The following MICAL3 variants were observed in gnomAD, a reference collection of about 807,000 sequenced individuals.
The protein encoded by MICAL3 is [F-actin]-monooxygenase MICAL3.
In MICAL3, 62 loss-of-function variants were observed where a neutral mutation model predicts 207.4. That is an observed-to-expected ratio of 0.30 (90% CI 0.24 to 0.37). The LOEUF is 0.37. MICAL3 is among the 10% of genes least tolerant of loss of function. The pLI is 1.00. For missense variants in MICAL3, 2,368 were observed against 2,635.6 expected (o/e 0.90, Z 2.22); for synonymous variants, 1,077 against 1,069.3 (o/e 1.01, Z -0.14).
chr22:17,796,093 C>T lies in MICAL3; in HGVS notation c.5651-4792G>A, dbSNP rs1601915328. On this transcript the variant is annotated intron_variant, in intron 29 of 31. Transcript: ENST00000441493. The surrounding 1 kb of genome is among the most constrained non-coding windows in gnomAD (Gnocchi z 4.4). ...TGCTATAATTTACCACTTCTCAAAG[C>T]ACTCCTGCGTGCCCTGGGCGCTGGC... Among the ~76,000 whole-genome samples the T allele has an allele frequency of 6.6e-6, 1 of 152,322 alleles. No individual in the cohort carries two copies. Among genetic ancestry groups the T allele is most frequent in the East Asian group, 1.9e-4 (1 of 5,192 alleles).
At chr22:17,859,839 G>A (rs936257965) in intron 19 of MICAL3, among the ~76,000 whole-genome samples, 6 of 152,200 alleles carry the variant, frequency 3.9e-5, no homozygotes, top group Non-Finnish European at 8.8e-5. Context: ...CCCAGCCTGC[G>A]GGCCCTCCTG....
At chr22:17,994,391 C>T (rs1171879896) in intron 1 of MICAL3, among the ~76,000 whole-genome samples, 1 of 152,190 alleles carries the variant, frequency 6.6e-6, no homozygotes, top group African/African-American at 2.4e-5. Context: ...TGGCACTGGC[C>T]TCCCGGGACC....
Position 17,795,690 on chromosome 22 carries a change from T to A in MICAL3, c.5651-4389A>T, listed in dbSNP as rs145661437. Among the ~76,000 whole-genome samples, 4 of 152,358 alleles carry A rather than the reference T, an allele frequency of 2.6e-5. No homozygotes were observed. The East Asian group carries it at 7.7e-4, about 29-fold the overall frequency. ...TCTCCTAGCAAGAGGCAGAAGCGCGTGTGAGCGGCCGGCGAGTCCGAGCTG... is the reference window on the plus strand; with the variant it reads ...TCTCCTAGCAAGAGGCAGAAGCGCGAGTGAGCGGCCGGCGAGTCCGAGCTG... On this transcript the variant is annotated intron_variant, in intron 29 of 31. Coordinates refer to ENST00000441493, the MANE Select transcript of MICAL3 (RefSeq NM_015241.3).
chr22:17,850,345 C>T (rs1263323966), intron 19 of MICAL3, among the ~76,000 whole-genome samples: 3 of 151,176 alleles, frequency 2.0e-5, no homozygotes, highest in African/African-American at 4.9e-5. Flanking sequence ...TCCCCATCAC[C>T]GCAGTCCTTT....
chr22:17,951,727 C>T (rs190253173), intron 1 of MICAL3, among the ~76,000 whole-genome samples: 5 of 150,930 alleles, frequency 3.3e-5, no homozygotes, highest in East Asian at 1.9e-4. Context: ...GACAGGGTCT[C>T]GCTCAGGCAT....
chr22:17,891,924 G>A (rs927630247), intron 11 of MICAL3, among the ~76,000 whole-genome samples: 3 of 152,178 alleles, frequency 2.0e-5, no homozygotes, highest in African/African-American at 4.8e-5. Context: ...CTGTCCCCAC[G>A]GCACTGAGGT....
At chr22:17,948,298 G>A (rs385945) in intron 1 of MICAL3, among the ~76,000 whole-genome samples, 35,134 of 152,204 alleles carry the variant, frequency 0.23, 4,690 homozygotes, top group East Asian at 0.52. Flanking sequence ...AATCTTGCTG[G>A]CTCTCCAGCT....
At chr22:17,845,285 G>A (rs1168777761) in intron 19 of MICAL3, among the ~76,000 whole-genome samples, 4 of 152,174 alleles carry the variant, frequency 2.6e-5, no homozygotes, top group Admixed American at 6.5e-5. Context: ...TAGAGTGAAC[G>A]AAACTTGGGA....
At chr22:17,876,486 T>A in intron 16 of MICAL3, 1 of 152,308 alleles carries the variant, frequency 6.6e-6, no homozygotes, top group East Asian at 1.9e-4. Context: ...ACCCTCTGCT[T>A]GAGACACTCA....
rs369235722 is a variant in MICAL3, at chr22:17,950,304, G to A, written c.-74-43418C>T. The stretch of plus-strand genomic sequence containing the variant: ...GGCCTCTCAAGCAGCTGGGATTACA[G>A]GCGCCTGCCACCACATCTGGCGTTT... On this transcript the variant is annotated intron_variant, in intron 1 of 31. Transcript: ENST00000441493. Among the ~76,000 whole-genome samples, 633 of 151,552 alleles carry A rather than the reference G, an allele frequency of 4.2e-3. 6 individuals carry two copies. Among genetic ancestry groups the A allele is most frequent in the African/African-American group, 0.014 (591 of 41,228 alleles).
chr22:17,809,671 G>T (rs183740482), intron 28 of MICAL3, among the ~76,000 whole-genome samples: 206 of 152,228 alleles, frequency 1.4e-3, no homozygotes, highest in Admixed American at 2.0e-3. Context: ...ATCTACAGTG[G>T]TCTAGATTCA....
chr22:17,876,915 G>C (rs199596442), intron 16 of MICAL3: 7 of 134,228 alleles, frequency 5.2e-5, no homozygotes, highest in South Asian at 2.3e-4. Context: ...GGTTAGGGAG[G>C]TTATGGAGGT....
At chr22:17,877,306 TGGAGGTTAG>T (rs1569110175) in intron 16 of MICAL3, among the ~76,000 whole-genome samples, 17 of 38,882 alleles carry the variant, frequency 4.4e-4, no homozygotes, top group South Asian at 8.3e-4. Context: ...AGGGAGGTTA[TGGAGGTTAG>T]GGAGGTTAGG....
intron 21 of MICAL3, among the ~76,000 whole-genome samples, chr22:17,830,571 C>T (rs1346922784): frequency 2.6e-5 from 4 of 152,220 alleles, no homozygotes; most frequent in African/African-American, 9.6e-5. Flanking sequence ...TGCCCTGGAC[C>T]AGCTGTGCAT....
intron 17 of MICAL3, among the ~76,000 whole-genome samples, chr22:17,871,064 C>T (rs563377586): frequency 2.0e-5 from 3 of 152,198 alleles, no homozygotes; most frequent in African/African-American, 7.2e-5. Context: ...ATCTAGGCCC[C>T]CTCATTACTC....
chr22:17,839,916 C>T (rs1923830669), intron 20 of MICAL3: 1 of 143,418 alleles, frequency 7.0e-6, no homozygotes, highest in Non-Finnish European at 1.5e-5. Flanking sequence ...CTGAATGCTA[C>T]TTTTAATTAT....
chr22:17,959,846 GA>G (rs34966046), intron 1 of MICAL3, among the ~76,000 whole-genome samples: 30,367 of 150,520 alleles, frequency 0.2, 3,196 homozygotes, highest in Middle Eastern at 0.28. Context: ...AAAGGGTACA[GA>G]AAAAAAAAAT....
At chr22:17,849,522 A>G (rs1925010645) in intron 19 of MICAL3, among the ~76,000 whole-genome samples, 1 of 150,176 alleles carries the variant, frequency 6.7e-6, no homozygotes, top group Admixed American at 6.6e-5. Flanking sequence ...TTTTTTAGAA[A>G]CGGGGTCTTG....
At chr22:17,922,100 C>T (rs886539252) in intron 1 of MICAL3, among the ~76,000 whole-genome samples, 1 of 150,982 alleles carries the variant, frequency 6.6e-6, no homozygotes, top group African/African-American at 2.4e-5. Flanking sequence ...ACCCCGCCCA[C>T]CCCAGCCCCA....
Sources: gnomAD v4.1 joint callset for allele counts (sites outside exome capture counted in the v4.1 genomes callset) on GRCh38, gnomAD v4.1.1 for gene constraint, Gnocchi (gnomAD v3.1) non-coding constraint, MANE v1.5 for transcripts, NCBI Gene and HGNC (gene_info 2026-07-23, HGNC 2026-07-21) for gene names.